Variants in CASQ2 observed in about 807,000 individuals in gnomAD.
The protein encoded by CASQ2 is calsequestrin 2.
CASQ2 carries 49 observed loss-of-function variants against 46.5 expected under a neutral mutation model. The observed-to-expected ratio is 1.05, with a 90% confidence interval of 0.84 to 1.34. The LOEUF (loss-of-function observed/expected upper bound fraction) is 1.34, where lower values mean the gene tolerates loss of function less well. Ranked by LOEUF, CASQ2 falls within the 40% of genes most tolerant of loss-of-function variation. CASQ2 has a pLI of 0.00. For missense variants in CASQ2, 486 were observed against 481.3 expected (o/e 1.01, Z -0.09); for synonymous variants, 174 against 168.5 (o/e 1.03, Z -0.25).
intron 1 of CASQ2, among the ~76,000 whole-genome samples, chr1:115,761,933 A>G (rs1648977210): frequency 6.6e-6 from 1 of 152,222 alleles, no homozygotes; most frequent in South Asian, 2.1e-4. Context: ...CCTGCCATTT[A>G]ATACCGAAGA....
At chr1:115,738,476 C>T in intron 3 of CASQ2, 141 bp from the exon 4 acceptor site, 1 of 717,254 alleles carries the variant, frequency 1.4e-6, no homozygotes, top group South Asian at 1.5e-5. Flanking sequence ...CCCACAATCC[C>T]CCAGTGAGCA....
intron 8 of CASQ2, among the ~76,000 whole-genome samples, chr1:115,712,701 C>T (rs1469067268): frequency 1.3e-5 from 2 of 151,902 alleles, no homozygotes; most frequent in Non-Finnish European, 2.9e-5. Context: ...ATTGAAAATA[C>T]AAAACTTAGC....
chr1:115,751,728 G>C (rs922420203), intron 1 of CASQ2, among the ~76,000 whole-genome samples: 7 of 152,082 alleles, frequency 4.6e-5, no homozygotes, highest in Non-Finnish European at 2.9e-5. Context: ...AATAAGGGCT[G>C]TGGAGACTTA....
intron 2 of CASQ2, among the ~76,000 whole-genome samples, chr1:115,742,761 C>T (rs182078621): frequency 6.9e-6 from 1 of 145,286 alleles, no homozygotes; most frequent in Non-Finnish European, 1.5e-5. Context: ...AGACAGAACT[C>T]ATTAAACTGT....
intron 1 of CASQ2, among the ~76,000 whole-genome samples, chr1:115,764,541 A>G (rs1001531831): frequency 2.0e-5 from 3 of 152,226 alleles, no homozygotes; most frequent in African/African-American, 4.8e-5. Flanking sequence ...AGAATACCCA[A>G]GGAATCAGAA....
rs188830867 is a variant in CASQ2, at chr1:115,715,360, A to G, written c.838+2480T>C. 1.1e-4 allele frequency among the ~76,000 whole-genome samples: 16 copies of G among 152,338 alleles called. 1 individual carries two copies. In the East Asian group the frequency reaches 2.9e-3, roughly 28 times the overall value. ...AATTCAGAACATAAATTTGGTTTTG[A>G]TACAATGGAATATTATTCGGCCCTT... On this transcript the variant is annotated intron_variant, in intron 8 of 10. Coordinates refer to ENST00000261448, the MANE Select transcript of CASQ2 (RefSeq NM_001232.4).
At chr1:115,703,443 C>T (rs1226689636) in intron 9 of CASQ2, among the ~76,000 whole-genome samples, 1 of 151,524 alleles carries the variant, frequency 6.6e-6, no homozygotes, top group Non-Finnish European at 1.5e-5. Flanking sequence ...TCCATGTGGA[C>T]AAATCTCTGA....
rs539787106 is a variant in CASQ2, at chr1:115,724,623, A to G, written c.783+885T>C. Among the ~76,000 whole-genome samples, 160 of 152,344 alleles carry G rather than the reference A, an allele frequency of 1.1e-3. 1 individual carries two copies. The highest frequency in any genetic ancestry group is 3.8e-3 in the African/African-American group (158 of 41,586). On this transcript the variant is annotated intron_variant, in intron 7 of 10. Coordinates refer to ENST00000261448, the MANE Select transcript of CASQ2 (RefSeq NM_001232.4). ...TGGGGGTTTATCTCCAAGGCCCTCT[A>G]TCTAACACTGTTTGAGCTGCCTGAC... is the stretch of plus-strand genomic sequence containing the variant.
At chr1:115,717,535 G>T (rs535454735) in intron 8 of CASQ2, among the ~76,000 whole-genome samples, 1 of 152,310 alleles carries the variant, frequency 6.6e-6, no homozygotes, top group East Asian at 1.9e-4. Flanking sequence ...CCATTTGGCA[G>T]CCTTGCGATT....
chr1:115,725,557 GAAAAAAAAAAAAA>G lies in CASQ2; in HGVS notation c.738-17_738-5del, dbSNP rs56889721. 7.8e-6 allele frequency: 11 copies of G among 1,402,848 alleles called. No homozygotes were observed. The East Asian group carries it at 1.5e-4, about 19-fold the overall frequency. 86.9% of individuals were successfully genotyped at this position (1,402,848 alleles called of 1,614,324 possible). On this transcript the variant is annotated splice_region_variant and splice_polypyrimidine_tract_variant and intron_variant, in intron 6 of 10. Transcript: ENST00000261448. ...GCGCAGGCGACGTAGAGTGGGTCTG[GAAAAAAAAAAAAA>G]AAAAAAAAAAGAAAGAGCTTCCTTG...
At chr1:115,715,532 C>G (rs1654674712) in intron 8 of CASQ2, among the ~76,000 whole-genome samples, 1 of 152,074 alleles carries the variant, frequency 6.6e-6, no homozygotes, top group African/African-American at 2.4e-5. Flanking sequence ...GTAGGTAATT[C>G]CTGCTTGCAG....
At position 115,712,748 on chromosome 1, in the gene CASQ2, C is replaced by T. The variant is rs903261054; in HGVS notation, c.838+5092G>A. Among the ~76,000 whole-genome samples the T allele has an allele frequency of 4.6e-5, 7 of 150,862 alleles. No individual in the cohort carries two copies. The East Asian group carries it at 5.9e-4, about 13-fold the overall frequency. On this transcript the variant is annotated intron_variant, in intron 8 of 10. Transcript: ENST00000261448. ...GCCCATGCCTCTAATCCCAGCTACT[C>T]GGGAGGCTGAGGCAGGAGAATCGCT...
At chr1:115,720,873 A>T (rs1464107325) in intron 7 of CASQ2, among the ~76,000 whole-genome samples, 2 of 152,150 alleles carry the variant, frequency 1.3e-5, no homozygotes, top group African/African-American at 4.8e-5. Flanking sequence ...ACGCCTATAG[A>T]CTCAAAAAAG....
At chr1:115,717,429 A>G (rs1407724582) in intron 8 of CASQ2, among the ~76,000 whole-genome samples, 1 of 152,002 alleles carries the variant, frequency 6.6e-6, no homozygotes, top group Non-Finnish European at 1.5e-5. Flanking sequence ...AATGACCCCA[A>G]TTTTCCAGGC....
At chr1:115,761,488 G>GAAGAAGAAGAAGAAGAAGAAGA (rs1557806828) in intron 1 of CASQ2, among the ~76,000 whole-genome samples, 9 of 13,138 alleles carry the variant, frequency 6.9e-4, no homozygotes, top group Admixed American at 2.2e-3. Flanking sequence ...GAAGAAGAAG[G>GAAGAAGAAGAAGAAGAAGAAGA]AGAAGAAGGA....
At position 115,761,529 on chromosome 1, in the gene CASQ2, G is replaced by GAAGAAGA. The variant is rs1557806976; in HGVS notation, c.234+6778_234+6779insTCTTCTT. On this transcript the variant is annotated intron_variant, in intron 1 of 10. Transcript: ENST00000261448. ...AGAAGAAGAAGAAGAAGAAGAAGAA[G>GAAGAAGA]AGTTCATAAAGTGCACATGAGTCTT... is the stretch of plus-strand genomic sequence containing the variant. Among the ~76,000 whole-genome samples, 5 of 67,794 alleles carry GAAGAAGA rather than the reference G, an allele frequency of 7.4e-5. 1 individual carries two copies. Among genetic ancestry groups the GAAGAAGA allele is most frequent in the East Asian group, 1.8e-3 (2 of 1,100 alleles). 44.5% of individuals were successfully genotyped at this position (67,794 alleles called of 152,430 possible). A position where few individuals can be genotyped will look rare whatever the true frequency, so the allele number is the denominator to read the frequency against.
rs200899762 is a variant in CASQ2, at chr1:115,739,062, T to TAA, written c.421-728_421-727insTT. ...AGTTGCAAATGATAGTTTTCTTTTT[T>TAA]TAAAAAAAAAAAAAGCTGAATAGTA... On this transcript the variant is annotated intron_variant, in intron 3 of 10. Transcript: ENST00000261448. Among the ~76,000 whole-genome samples the TAA allele has an allele frequency of 3.0e-4, 25 of 82,902 alleles. 1 individual carries two copies. The highest frequency in any genetic ancestry group is 7.1e-4 in the South Asian group (2 of 2,818). The allele number at this position is 82,902 out of a possible 152,430, so 54.4% of individuals were successfully genotyped here.
chr1:115,704,179 T>C (rs1347044835), intron 9 of CASQ2, among the ~76,000 whole-genome samples: 1 of 152,182 alleles, frequency 6.6e-6, no homozygotes, highest in African/African-American at 2.4e-5. Context: ...CCCTCTCAAT[T>C]TTCTCTATTT....
chr1:115,744,141 CAAAAA>C (rs71683766), intron 2 of CASQ2, among the ~76,000 whole-genome samples: 21 of 129,176 alleles, frequency 1.6e-4, no homozygotes, highest in Non-Finnish European at 1.7e-4. Flanking sequence ...GAACCTGTCT[CAAAAA>C]AAAAAAAAAA....
Sources: gnomAD v4.1 joint callset for allele counts (sites outside exome capture counted in the v4.1 genomes callset) on GRCh38, gnomAD v4.1.1 for gene constraint, MANE v1.5 for transcripts, NCBI Gene and HGNC (gene_info 2026-07-23, HGNC 2026-07-21) for gene names.